ARHGAP15: variants seen among roughly 807,000 people sequenced by gnomAD.
The protein encoded by ARHGAP15 is rho GTPase-activating protein 15.
In ARHGAP15, 51 loss-of-function variants were observed where a neutral mutation model predicts 63.7. The ratio of observed to expected loss-of-function variants is 0.80; its 90% confidence interval spans 0.64 to 1.01. The LOEUF is 1.01. Ranked by LOEUF, ARHGAP15 falls within the 50% of genes least tolerant of loss-of-function variation. ARHGAP15 has a pLI of 0.00. For missense variants in ARHGAP15, 560 were observed against 564.6 expected (o/e 0.99, Z 0.08); for synonymous variants, 191 against 193.8 (o/e 0.99, Z 0.12).
intron 9 of ARHGAP15, among the ~76,000 whole-genome samples, chr2:143,498,402 G>A (rs1467289684): frequency 1.3e-5 from 2 of 151,932 alleles, no homozygotes; most frequent in South Asian, 2.1e-4. Flanking sequence ...CATAATTGGT[G>A]GTCTGTCAGT....
At chr2:143,291,562 G>A (rs574728730) in intron 6 of ARHGAP15, among the ~76,000 whole-genome samples, 7 of 152,042 alleles carry the variant, frequency 4.6e-5, no homozygotes, top group African/African-American at 1.7e-4. Context: ...GTATTACCAG[G>A]TGGGTTCTCT....
intron 12 of ARHGAP15, among the ~76,000 whole-genome samples, chr2:143,664,902 A>G (rs1187165963): frequency 3.3e-5 from 5 of 151,976 alleles, no homozygotes; most frequent in Admixed American, 6.6e-5. Context: ...CAATAACAGG[A>G]GCTGAAATTG....
At chr2:143,583,139 G>A (rs1387102376) in intron 11 of ARHGAP15, among the ~76,000 whole-genome samples, 2 of 152,128 alleles carry the variant, frequency 1.3e-5, no homozygotes, top group Admixed American at 6.6e-5. Flanking sequence ...TAAGAGATGG[G>A]GCTTAAAATG....
At chr2:143,545,400 C>T (rs1461320238) in intron 10 of ARHGAP15, among the ~76,000 whole-genome samples, 3 of 152,180 alleles carry the variant, frequency 2.0e-5, no homozygotes, top group African/African-American at 7.2e-5. Context: ...TTCAATTAAT[C>T]ACTTTTACCT....
rs573149660 is a variant in ARHGAP15, at chr2:143,675,220, T to C, written c.1139-28199T>C. ...GAGATTTGAGCAAATTAGTCATTTA[T>C]CTTCAGGCTCTACTTCTAGTTTTAG... On this transcript the variant is annotated intron_variant, in intron 12 of 13. Transcript: ENST00000295095. Among the ~76,000 whole-genome samples the C allele has an allele frequency of 3.9e-5, 6 of 152,346 alleles. No individual in the cohort carries two copies. The South Asian group carries it at 1.2e-3, about 32-fold the overall frequency.
At chr2:143,257,463 T>A (rs1680484486) in intron 6 of ARHGAP15, among the ~76,000 whole-genome samples, 2 of 152,230 alleles carry the variant, frequency 1.3e-5, no homozygotes, top group Non-Finnish European at 2.9e-5. Context: ...ACTGGATAGC[T>A]CACTTCACAT....
chr2:143,346,178 TCTCTCA>T (rs1327217433), intron 6 of ARHGAP15, among the ~76,000 whole-genome samples: 15 of 143,106 alleles, frequency 1.0e-4, no homozygotes, highest in African/African-American at 2.4e-4. Context: ...ACACACTCTC[TCTCTCA>T]CACACACACT....
At position 143,573,180 on chromosome 2, in the gene ARHGAP15, T is replaced by C. The variant is rs370955398; in HGVS notation, c.1003+16695T>C. ...TGCTTACTCCAACAGAAAGATGCCT[T>C]AAAGCAAAACTTCACATTTCTTATC... On this transcript the variant is annotated intron_variant, in intron 11 of 13. Transcript: ENST00000295095. 1.2e-3 allele frequency among the ~76,000 whole-genome samples: 187 copies of C among 152,286 alleles called. 7 individuals are homozygous for C. The South Asian group carries it at 0.037, about 30-fold the overall frequency.
In ARHGAP15 at chr2:143,398,374, C is replaced by G. The variant is rs77533155; in HGVS notation, c.475-37227C>G. Among the ~76,000 whole-genome samples the G allele has an allele frequency of 1.0e-3, 158 of 152,240 alleles. 1 individual carries two copies. The highest frequency in any genetic ancestry group is 3.7e-3 in the African/African-American group (155 of 41,568). ...TTTGAGCTTTTGTAGTTGCTAACTCCGCTTGTTGTAAATGCAAACCTGTAT... is the reference window on the plus strand; with the variant it reads ...TTTGAGCTTTTGTAGTTGCTAACTCGGCTTGTTGTAAATGCAAACCTGTAT... On this transcript the variant is annotated intron_variant, in intron 6 of 13. Transcript: ENST00000295095.
At chr2:143,199,628 C>T (rs1198255571) in intron 2 of ARHGAP15, among the ~76,000 whole-genome samples, 1 of 152,000 alleles carries the variant, frequency 6.6e-6, no homozygotes, top group Non-Finnish European at 1.5e-5. Context: ...TAGCCTTAGC[C>T]AGGGAGTGGC....
At chr2:143,746,942 A>G (rs964287135) in intron 13 of ARHGAP15, among the ~76,000 whole-genome samples, 35 of 152,220 alleles carry the variant, frequency 2.3e-4, no homozygotes, top group Admixed American at 2.1e-3. Context: ...ATAAGGATAC[A>G]TGAGCAGGTA....
chr2:143,244,964 T>A (rs1175281075), intron 5 of ARHGAP15, among the ~76,000 whole-genome samples: 1 of 151,650 alleles, frequency 6.6e-6, no homozygotes, highest in Non-Finnish European at 1.5e-5. Flanking sequence ...GTGAAGTGAG[T>A]GAAGGGATTA....
chr2:143,580,484 A>G (rs114310035), intron 11 of ARHGAP15, among the ~76,000 whole-genome samples: 1,582 of 152,238 alleles, frequency 0.01, 30 homozygotes, highest in African/African-American at 0.035. Context: ...CTTGCCGGTG[A>G]CAACAGATTC....
chr2:143,337,599 C>G lies in ARHGAP15; in HGVS notation c.474+86999C>G, dbSNP rs531606357. On this transcript the variant is annotated intron_variant, in intron 6 of 13. Coordinates refer to ENST00000295095, the MANE Select transcript of ARHGAP15 (RefSeq NM_018460.4). ...TTGATATGAAATTAGCTGTACAATA[C>G]CTTCTTTTCAGGGATTTTTAGGAAT... Among the ~76,000 whole-genome samples, 9 of 152,214 alleles carry G rather than the reference C, an allele frequency of 5.9e-5. No homozygotes were observed. The South Asian group carries it at 1.9e-3, about 32-fold the overall frequency.
chr2:143,491,593 C>G, intron 9 of ARHGAP15, among the ~76,000 whole-genome samples: 1 of 152,124 alleles, frequency 6.6e-6, no homozygotes, highest in East Asian at 1.9e-4. Context: ...ATAAATAGCA[C>G]ACCTCAGGGA....
chr2:143,285,242 C>T (rs1310471790), intron 6 of ARHGAP15, among the ~76,000 whole-genome samples: 1 of 151,940 alleles, frequency 6.6e-6, no homozygotes, highest in Non-Finnish European at 1.5e-5. Flanking sequence ...AATTAAGAAA[C>T]TATGGAAACT....
At chr2:143,510,005 T>TA (rs1693506745) in intron 9 of ARHGAP15, among the ~76,000 whole-genome samples, 1 of 92,996 alleles carries the variant, frequency 1.1e-5, no homozygotes, top group South Asian at 4.0e-4. Flanking sequence ...GGCGACAGAG[T>TA]AAGACTCCCT....
intron 6 of ARHGAP15, among the ~76,000 whole-genome samples, chr2:143,414,915 CAAG>C (rs1404422192): frequency 6.6e-6 from 1 of 152,026 alleles, no homozygotes; most frequent in Non-Finnish European, 1.5e-5. Context: ...GGCAACAGAG[CAAG>C]ACTCTGTCTC....
intron 13 of ARHGAP15, among the ~76,000 whole-genome samples, chr2:143,753,846 G>A (rs1686473257): frequency 6.6e-6 from 1 of 152,256 alleles, no homozygotes; most frequent in East Asian, 1.9e-4. Context: ...GAAACTCATT[G>A]TCAGATAATA....
Sources: allele counts gnomAD v4.1 joint callset (sites outside exome capture counted in the v4.1 genomes callset), GRCh38; gene constraint gnomAD v4.1.1; transcripts MANE v1.5; gene names NCBI Gene and HGNC (gene_info 2026-07-23, HGNC 2026-07-21).